CSMD1: variants seen among roughly 807,000 people sequenced by gnomAD.
CSMD1 encodes the protein CUB and sushi domain-containing protein 1.
Under a neutral mutation model 417.5 loss-of-function variants are expected in CSMD1, and 213 were observed. That is an observed-to-expected ratio of 0.51 (90% CI 0.46 to 0.57). The LOEUF (loss-of-function observed/expected upper bound fraction) is 0.57. Ranked by LOEUF, CSMD1 falls within the 20% of genes least tolerant of loss-of-function variation. The probability of loss-of-function intolerance (pLI) is 0.00; values close to 1 mark genes in which losing one functional copy is unlikely to be tolerated. For synonymous variants in CSMD1, 2,862 were observed against 1,736.8 expected, an observed-to-expected ratio of 1.65 and a Z score of -16.11; for missense variants, 6,923 against 4,529.7, an observed-to-expected ratio of 1.53 and a Z score of -15.17.
intron 12 of CSMD1, among the ~76,000 whole-genome samples, chr8:3,455,482 G>A (rs1816054988): frequency 6.6e-6 from 1 of 152,164 alleles, no homozygotes; most frequent in Non-Finnish European, 1.5e-5. Flanking sequence ...ATGTACAGAT[G>A]GGGTTTTGGT....
chr8:3,698,502 T>C (rs539928615), intron 7 of CSMD1, among the ~76,000 whole-genome samples: 2 of 152,350 alleles, frequency 1.3e-5, no homozygotes, highest in East Asian at 3.9e-4. Flanking sequence ...CTACAGCACT[T>C]AGTGCTAGAA....
intron 3 of CSMD1, among the ~76,000 whole-genome samples, chr8:4,348,638 A>C: frequency 1.3e-5 from 1 of 74,660 alleles, no homozygotes; most frequent in East Asian, 4.0e-4. Flanking sequence ...GGAGAGGGGG[A>C]GAGGGAGGGG....
intron 63 of CSMD1, among the ~76,000 whole-genome samples, chr8:2,956,371 T>C (rs769059337): frequency 3.6e-4 from 55 of 152,228 alleles, no homozygotes; most frequent in South Asian, 1.0e-3. Flanking sequence ...CTCCATTCCT[T>C]ATAAAGTTTG....
At position 3,930,633 on chromosome 8, in the gene CSMD1, A is replaced by G. The variant is rs1810075511; in HGVS notation, c.818+67270T>C. Reference sequence around the variant, plus strand: ...CAGTAGGGTGGCCGTGTCAGGTTATAAGTGACCCTGTCTCCTTTGTTCGGT... The same window carrying G: ...CAGTAGGGTGGCCGTGTCAGGTTATGAGTGACCCTGTCTCCTTTGTTCGGT... On this transcript the variant is annotated intron_variant, in intron 5 of 69. Transcript: ENST00000635120. 8.0e-5 allele frequency among the ~76,000 whole-genome samples: 12 copies of G among 150,256 alleles called. 1 individual carries two copies. The South Asian group carries it at 2.6e-3, about 32-fold the overall frequency.
chr8:4,593,711 C>T (rs1189892590), intron 2 of CSMD1, among the ~76,000 whole-genome samples: 4 of 151,994 alleles, frequency 2.6e-5, no homozygotes, highest in Non-Finnish European at 5.9e-5. Context: ...AATTGTATAC[C>T]AGATCTCTTA....
chr8:4,702,883 T>C (rs1807673096), intron 1 of CSMD1, among the ~76,000 whole-genome samples: 1 of 152,186 alleles, frequency 6.6e-6, no homozygotes, highest in Non-Finnish European at 1.5e-5. Context: ...TAAAAGTCTC[T>C]AAAAAGTTAA....
intron 1 of CSMD1, among the ~76,000 whole-genome samples, chr8:4,837,424 G>A (rs7002428): frequency 6.6e-6 from 1 of 152,132 alleles, no homozygotes; most frequent in African/African-American, 2.4e-5. Context: ...AAAAGAATGA[G>A]ATTCTATCAT....
intron 1 of CSMD1, among the ~76,000 whole-genome samples, chr8:4,710,953 G>C (rs997087736): frequency 3.9e-5 from 6 of 152,042 alleles, no homozygotes; most frequent in African/African-American, 1.4e-4. Flanking sequence ...CCTATCCTGA[G>C]ACAAATGATG....
intron 2 of CSMD1, among the ~76,000 whole-genome samples, chr8:4,453,759 G>A (rs952498420): frequency 6.7e-6 from 1 of 149,314 alleles, no homozygotes. Context: ...GTCCCCATTT[G>A]AGCGAACGCC....
chr8:4,423,070 A>T (rs1797339818), intron 2 of CSMD1, among the ~76,000 whole-genome samples: 1 of 152,054 alleles, frequency 6.6e-6, no homozygotes, highest in African/African-American at 2.4e-5. Context: ...AAAAAATTTA[A>T]AAAAGCCTAA....
intron 5 of CSMD1, among the ~76,000 whole-genome samples, chr8:3,879,673 T>G (rs1392527032): frequency 6.6e-6 from 1 of 152,206 alleles, no homozygotes; most frequent in Non-Finnish European, 1.5e-5. Context: ...CAATATTTCT[T>G]GACGTCACAT....
At chr8:3,369,496 A>T (rs1809812867) in intron 18 of CSMD1, 126 bp from the exon 19 acceptor site, 3 of 597,914 alleles carry the variant, frequency 5.0e-6, no homozygotes, top group Non-Finnish European at 9.0e-6. Flanking sequence ...TCCAAGAAAA[A>T]CCAAGCAGAA....
At position 3,950,437 on chromosome 8, in the gene CSMD1, G is replaced by C. The variant is rs79161602; in HGVS notation, c.818+47466C>G. Among the ~76,000 whole-genome samples, 9 of 152,258 alleles carry C rather than the reference G, an allele frequency of 5.9e-5. No individual in the cohort carries two copies. In the East Asian group the frequency reaches 1.4e-3, roughly 23 times the overall value. ...TAAGTAGCAGAAGAGAGGTTCTTCTGGATCTCCAACGCATGAGTGGTTCAG... is the reference window on the plus strand; with the variant it reads ...TAAGTAGCAGAAGAGAGGTTCTTCTCGATCTCCAACGCATGAGTGGTTCAG... On this transcript the variant is annotated intron_variant, in intron 5 of 69. Transcript: ENST00000635120.
chr8:3,402,939 C>A (rs985916372), intron 15 of CSMD1, among the ~76,000 whole-genome samples: 2 of 152,054 alleles, frequency 1.3e-5, no homozygotes, highest in African/African-American at 4.8e-5. Flanking sequence ...ACAGGTTTTG[C>A]TGTCTCACAT....
chr8:4,446,208 C>T (rs972375473), intron 2 of CSMD1, among the ~76,000 whole-genome samples: 1 of 152,130 alleles, frequency 6.6e-6, no homozygotes, highest in Non-Finnish European at 1.5e-5. Flanking sequence ...TTGTTTTTTC[C>T]ACAATCATCT....
chr8:3,067,197 C>T (rs1304165735), intron 49 of CSMD1, among the ~76,000 whole-genome samples: 3 of 152,122 alleles, frequency 2.0e-5, no homozygotes, highest in African/African-American at 7.2e-5. Flanking sequence ...ATGTTATTCC[C>T]AGGCCCCATG....
intron 3 of CSMD1, among the ~76,000 whole-genome samples, chr8:4,194,990 C>G (rs1467752904): frequency 6.6e-6 from 1 of 151,800 alleles, no homozygotes; most frequent in Admixed American, 6.6e-5. Context: ...TTTCTTTCAT[C>G]TGGGAATTTT....
chr8:3,026,637 C>G (rs575689537), intron 51 of CSMD1, among the ~76,000 whole-genome samples: 172 of 152,292 alleles, frequency 1.1e-3, no homozygotes, highest in African/African-American at 4.1e-3. Flanking sequence ...CCAGCCCTGT[C>G]AACACCGTGA....
chr8:3,439,303 A>ATT (rs1471108281), intron 12 of CSMD1, among the ~76,000 whole-genome samples: 2 of 37,954 alleles, frequency 5.3e-5, no homozygotes, highest in Admixed American at 2.8e-4. Flanking sequence ...ATATATATAT[A>ATT]TATATATTTT....
Sources: gnomAD v4.1 joint callset for allele counts (sites outside exome capture counted in the v4.1 genomes callset) on GRCh38, gnomAD v4.1.1 for gene constraint, MANE v1.5 for transcripts, NCBI Gene and HGNC (gene_info 2026-07-23, HGNC 2026-07-21) for gene names.